Variants in EVI5 observed in about 807,000 individuals in gnomAD.
The protein encoded by EVI5 is ecotropic viral integration site 5, also known as ecotropic viral integration site 5 protein homolog.
Under a neutral mutation model 112.0 loss-of-function variants are expected in EVI5, and 73 were observed. That is an observed-to-expected ratio of 0.65 (90% confidence interval 0.54 to 0.79). EVI5 has a LOEUF of 0.79. Ranked by LOEUF, EVI5 falls within the 30% of genes least tolerant of loss-of-function variation. EVI5 has a pLI of 0.00. For missense variants in EVI5, 900 were observed against 968.8 expected, an observed-to-expected ratio of 0.93 and a Z score of 0.94; for synonymous variants, 305 against 319.9, an observed-to-expected ratio of 0.95 and a Z score of 0.50.
At chr1:92,732,725 A>C (rs1182638) in intron 2 of EVI5, 152,128 of 152,422 alleles carry the variant, frequency 1, 75,920 homozygotes, top group Non-Finnish European at 1. Context: ...ATAGAGAAAC[A>C]CCGTCACTAC....
intron 16 of EVI5, among the ~76,000 whole-genome samples, chr1:92,618,970 T>C (rs1341894120): frequency 6.6e-6 from 1 of 152,214 alleles, no homozygotes; most frequent in Non-Finnish European, 1.5e-5. Flanking sequence ...CAAAGGATAG[T>C]TGTATTATGT....
intron 19 of EVI5, among the ~76,000 whole-genome samples, chr1:92,557,234 T>G (rs1028863932): frequency 6.6e-6 from 1 of 152,026 alleles, no homozygotes; most frequent in Non-Finnish European, 1.5e-5. Context: ...CCAAAATAGT[T>G]CTTTTTTTTT....
intron 2 of EVI5, among the ~76,000 whole-genome samples, chr1:92,707,483 T>C (rs1672204725): frequency 6.6e-6 from 1 of 152,022 alleles, no homozygotes; most frequent in Non-Finnish European, 1.5e-5. Flanking sequence ...CACCACACTT[T>C]AAAAAATGAG....
chr1:92,689,377 T>C (rs1273569662), intron 9 of EVI5, among the ~76,000 whole-genome samples: 2 of 152,164 alleles, frequency 1.3e-5, no homozygotes, highest in African/African-American at 4.8e-5. Context: ...TGAGACTTTT[T>C]TTTTAGACAG....
intron 13 of EVI5, 76 bp from the exon 14 acceptor site, chr1:92,636,412 TA>T: frequency 3.2e-6 from 4 of 1,234,644 alleles, no homozygotes; most frequent in Non-Finnish European, 4.6e-6. Flanking sequence ...TGCAACCACA[TA>T]ATACAGTTAT....
chr1:92,733,947 T>C (rs1166657084), intron 2 of EVI5, among the ~76,000 whole-genome samples: 1 of 152,198 alleles, frequency 6.6e-6, no homozygotes, highest in African/African-American at 2.4e-5. Context: ...GACACTGTCA[T>C]TCTTTTGGCA....
intron 1 of EVI5, among the ~76,000 whole-genome samples, chr1:92,754,498 C>T (rs1322020666): frequency 2.0e-5 from 3 of 147,034 alleles, no homozygotes; most frequent in African/African-American, 7.4e-5. Flanking sequence ...TTTAGCTGGG[C>T]GATTCTGGCT....
Position 92,513,535 on chromosome 1 carries a change from AT to A in EVI5, c.*120del. The A allele has an allele frequency of 1.3e-5, 2 of 153,910 alleles. No homozygotes were observed. Among genetic ancestry groups the A allele is most frequent in the Non-Finnish European group, 2.5e-5 (2 of 81,176 alleles). 9.5% of individuals were successfully genotyped at this position (153,910 alleles called of 1,614,324 possible). A position where few individuals can be genotyped will look rare whatever the true frequency, so the allele number is the denominator to read the frequency against. On this transcript the variant is annotated 3_prime_UTR_variant, in exon 20 of 20. Transcript: ENST00000684568. ...AATATATATATATATATATATATAT[AT>A]ATATATATATATATATATATATATA...
At position 92,510,412 on chromosome 1, in the gene EVI5, T is replaced by G. The variant is rs1488723279; in HGVS notation, c.*3244A>C. The G allele has an allele frequency of 6.6e-6, 1 of 152,222 alleles. No homozygotes were observed. Among genetic ancestry groups the G allele is most frequent in the Admixed American group, 6.5e-5 (1 of 15,280 alleles). 9.4% of individuals were successfully genotyped at this position (152,222 alleles called of 1,614,324 possible). A position where few individuals can be genotyped will look rare whatever the true frequency, so the allele number is the denominator to read the frequency against. ...TACAGTTTTCTATGGAATAAGAGAC[T>G]TCATCATATAAAATGGCTGGCATGT... On this transcript the variant is annotated 3_prime_UTR_variant, in exon 20 of 20. Coordinates refer to ENST00000684568, the MANE Select transcript of EVI5 (RefSeq NM_001350197.2).
At chr1:92,569,846 C>G (rs1670043231) in intron 18 of EVI5, among the ~76,000 whole-genome samples, 1 of 113,876 alleles carries the variant, frequency 8.8e-6, no homozygotes, top group African/African-American at 3.6e-5. Flanking sequence ...GAGGGAGACT[C>G]CATCTCAAAA....
In EVI5 at chr1:92,640,279, G is replaced by A. The variant is rs1659685496; in HGVS notation, c.1393-3943C>T. On this transcript the variant is annotated intron_variant, in intron 13 of 19. Transcript: ENST00000684568. ...CTGACAAATGGGATCTAATTAAAGA[G>A]CTTCTGCACAGCAAAAGAAACTATC... Among the ~76,000 whole-genome samples, 5 of 151,994 alleles carry A rather than the reference G, an allele frequency of 3.3e-5. No homozygotes were observed. The South Asian group carries it at 8.3e-4, about 25-fold the overall frequency.
intron 5 of EVI5, among the ~76,000 whole-genome samples, chr1:92,701,498 A>T (rs1671139787): frequency 6.6e-6 from 1 of 152,186 alleles, no homozygotes. Flanking sequence ...CCTTTTCAGG[A>T]CTAAAATCTG....
chr1:92,708,552 G>A (rs555980784), intron 2 of EVI5, among the ~76,000 whole-genome samples: 1 of 152,212 alleles, frequency 6.6e-6, no homozygotes, highest in Admixed American at 6.5e-5. Flanking sequence ...AAGCACTTCA[G>A]CCTGGCAGTT....
intron 9 of EVI5, among the ~76,000 whole-genome samples, chr1:92,689,769 T>C (rs1234890906): frequency 1.3e-5 from 2 of 152,216 alleles, no homozygotes; most frequent in Non-Finnish European, 2.9e-5. Flanking sequence ...CCTTAAAACA[T>C]TCTGAATATA....
intron 11 of EVI5, 93 bp downstream of exon 11, chr1:92,665,846 G>A (rs1664791578): frequency 3.7e-6 from 3 of 819,254 alleles, no homozygotes; most frequent in Non-Finnish European, 6.0e-6. Flanking sequence ...CAACATAGGA[G>A]ACATGTGCCA....
At chr1:92,550,260 C>A (rs375161543) in intron 19 of EVI5, among the ~76,000 whole-genome samples, 1 of 147,388 alleles carries the variant, frequency 6.8e-6, no homozygotes, top group Middle Eastern at 3.2e-3. Flanking sequence ...AAAAGCCAAA[C>A]ACCGTATGTT....
At chr1:92,565,827 G>C (rs761565872) in intron 18 of EVI5, among the ~76,000 whole-genome samples, 1 of 151,366 alleles carries the variant, frequency 6.6e-6, no homozygotes, top group African/African-American at 2.4e-5. Context: ...ACGATTAGCC[G>C]GGTGTGGTAG....
At position 92,782,964 on chromosome 1, in the gene EVI5, C is replaced by T. The variant is rs142695851; in HGVS notation, c.-82+1872G>A. Among the ~76,000 whole-genome samples the T allele has an allele frequency of 5.6e-3, 849 of 152,132 alleles. 7 individuals are homozygous for T. Among genetic ancestry groups the T allele is most frequent in the African/African-American group, 0.02 (822 of 41,490 alleles). Reference sequence around the variant, plus strand: ...CCTCCTGGGTAGCTCGGACTACCAGCGCACACAACCACACCCAGCTAATTT... The same window carrying T: ...CCTCCTGGGTAGCTCGGACTACCAGTGCACACAACCACACCCAGCTAATTT... On this transcript the variant is annotated intron_variant, in intron 1 of 19. Coordinates refer to ENST00000684568, the MANE Select transcript of EVI5 (RefSeq NM_001350197.2).
chr1:92,634,084 C>T lies in EVI5; in HGVS notation c.1527+2118G>A, dbSNP rs556667682. On this transcript the variant is annotated intron_variant, in intron 14 of 19. Coordinates refer to ENST00000684568, the MANE Select transcript of EVI5 (RefSeq NM_001350197.2). ...GATGGGCTTCCCTTTGTGGGTAACC[C>T]GACCTTTCTCTCTGGCTGCCCTTAA... 6.6e-5 allele frequency among the ~76,000 whole-genome samples: 10 copies of T among 152,258 alleles called. No homozygotes were observed. The East Asian group carries it at 1.5e-3, about 23-fold the overall frequency.
Sources: gnomAD v4.1 joint callset for allele counts (sites outside exome capture counted in the v4.1 genomes callset) on GRCh38, gnomAD v4.1.1 for gene constraint, MANE v1.5 for transcripts, NCBI Gene and HGNC (gene_info 2026-07-23, HGNC 2026-07-21) for gene names.